Variants in LHFPL3 observed in about 807,000 individuals in gnomAD.
The protein encoded by LHFPL3 is LHFPL tetraspan subfamily member 3 protein.
LHFPL3 carries 5 observed loss-of-function variants against 19.3 expected under a neutral mutation model. The ratio of observed to expected loss-of-function variants is 0.26; its 90% confidence interval spans 0.14 to 0.54. The LOEUF is 0.54. Ranked by LOEUF, LHFPL3 falls within the 20% of genes least tolerant of loss-of-function variation. LHFPL3 has a pLI of 0.94. For missense variants in LHFPL3, 249 were observed against 307.4 expected (o/e 0.81, Z 1.42); for synonymous variants, 133 against 126.2 (o/e 1.05, Z -0.36).
chr7:104,567,407 C>T (rs1790144706), intron 1 of LHFPL3, among the ~76,000 whole-genome samples: 1 of 152,060 alleles, frequency 6.6e-6, no homozygotes. Context: ...TGGATATACC[C>T]ATGTGTTTAG....
intron 2 of LHFPL3, among the ~76,000 whole-genome samples, chr7:104,858,217 CCTTT>C (rs1791546972): frequency 6.6e-6 from 1 of 152,168 alleles, no homozygotes; most frequent in South Asian, 2.1e-4. Flanking sequence ...GGCCTCCTCA[CCTTT>C]CAATCTTTGG....
At chr7:104,426,318 G>A (rs1038001209) in intron 1 of LHFPL3, among the ~76,000 whole-genome samples, 2 of 152,080 alleles carry the variant, frequency 1.3e-5, no homozygotes, top group Non-Finnish European at 2.9e-5. Context: ...ATGCCATGGC[G>A]TGATCTTGGC....
chr7:104,601,778 A>G (rs2115698820), intron 1 of LHFPL3, among the ~76,000 whole-genome samples: 1 of 152,168 alleles, frequency 6.6e-6, no homozygotes, highest in East Asian at 1.9e-4. Flanking sequence ...TCCTCACCAT[A>G]CTTTCTCACT....
intron 1 of LHFPL3, among the ~76,000 whole-genome samples, chr7:104,693,782 G>A (rs148013106): frequency 0.011 from 1,499 of 135,910 alleles, 19 homozygotes; most frequent in Middle Eastern, 0.031. Flanking sequence ...ACCACGCCCT[G>A]CTAATTGTGG....
intron 1 of LHFPL3, among the ~76,000 whole-genome samples, chr7:104,368,999 G>A (rs368542160): frequency 2.0e-5 from 3 of 152,168 alleles, no homozygotes; most frequent in East Asian, 1.9e-4. Flanking sequence ...ATCTTATGAG[G>A]GTTACATCAT....
At chr7:104,667,868 G>A (rs1417372602) in intron 1 of LHFPL3, 13 of 1,612,002 alleles carry the variant, frequency 8.1e-6, no homozygotes, top group Non-Finnish European at 9.3e-6. Flanking sequence ...CAGTCAGCTG[G>A]GCTGATGAAA....
intron 1 of LHFPL3, among the ~76,000 whole-genome samples, chr7:104,509,869 G>GA (rs1358139634): frequency 3.3e-5 from 5 of 151,932 alleles, no homozygotes; most frequent in African/African-American, 1.2e-4. Context: ...AATACTCCTA[G>GA]AACTAACATA....
At chr7:104,580,398 A>C (rs73411729) in intron 1 of LHFPL3, among the ~76,000 whole-genome samples, 20,732 of 152,104 alleles carry the variant, frequency 0.14, 1,467 homozygotes, top group Non-Finnish European at 0.15. Flanking sequence ...TGTACTTGCC[A>C]CCTAGATTCT....
chr7:104,667,621 G>C, intron 1 of LHFPL3: 2 of 688,988 alleles, frequency 2.9e-6, no homozygotes, highest in Non-Finnish European at 4.8e-6. Context: ...TATCCATTTA[G>C]TGTACAACAT....
intron 1 of LHFPL3, among the ~76,000 whole-genome samples, chr7:104,562,429 C>T (rs1213110992): frequency 6.6e-6 from 1 of 152,174 alleles, no homozygotes; most frequent in African/African-American, 2.4e-5. Flanking sequence ...TCATTTCATT[C>T]ATTTCATCTT....
intron 1 of LHFPL3, among the ~76,000 whole-genome samples, chr7:104,575,061 A>G (rs1027704201): frequency 6.0e-5 from 9 of 150,272 alleles, no homozygotes; most frequent in African/African-American, 2.2e-4. Flanking sequence ...GTAATAAATG[A>G]CTTAAGCATA....
chr7:104,565,939 A>G (rs1790115792), intron 1 of LHFPL3, among the ~76,000 whole-genome samples: 1 of 152,114 alleles, frequency 6.6e-6, no homozygotes, highest in South Asian at 2.1e-4. Flanking sequence ...AGCATAATGC[A>G]CTGTTAAGGC....
intron 1 of LHFPL3, among the ~76,000 whole-genome samples, chr7:104,639,716 C>T (rs1791794531): frequency 1.3e-5 from 2 of 152,050 alleles, no homozygotes; most frequent in Admixed American, 1.3e-4. Flanking sequence ...TGGTTTGGCT[C>T]TTGAAAGGAA....
chr7:104,346,417 C>G (rs1185889127), intron 1 of LHFPL3, among the ~76,000 whole-genome samples: 1 of 149,182 alleles, frequency 6.7e-6, no homozygotes, highest in East Asian at 2.0e-4. Context: ...ATTTCCTTTG[C>G]TTAACTGTGT....
intron 1 of LHFPL3, among the ~76,000 whole-genome samples, chr7:104,390,470 G>T (rs1049562665): frequency 1.3e-5 from 2 of 152,078 alleles, no homozygotes; most frequent in African/African-American, 4.8e-5. Context: ...AGTTTGCTGA[G>T]AATGATGGTT....
At chr7:104,843,796 G>C (rs1791259364) in intron 2 of LHFPL3, among the ~76,000 whole-genome samples, 1 of 152,182 alleles carries the variant, frequency 6.6e-6, no homozygotes, top group South Asian at 2.1e-4. Context: ...TCAGATAGGA[G>C]GTATTGGAGG....
At chr7:104,446,001 G>T (rs141418047) in intron 1 of LHFPL3, among the ~76,000 whole-genome samples, 19 of 152,212 alleles carry the variant, frequency 1.2e-4, no homozygotes, top group African/African-American at 3.1e-4. Flanking sequence ...TGTTCTTATC[G>T]ACAGGAAGGT....
chr7:104,601,073 A>G (rs1790955557), intron 1 of LHFPL3, among the ~76,000 whole-genome samples: 2 of 152,230 alleles, frequency 1.3e-5, no homozygotes, highest in Admixed American at 1.3e-4. Flanking sequence ...CCGTTAAGCC[A>G]GAGGTTCTCA....
chr7:104,385,100 G>T (rs1286145455), intron 1 of LHFPL3, among the ~76,000 whole-genome samples: 1 of 152,074 alleles, frequency 6.6e-6, no homozygotes, highest in Non-Finnish European at 1.5e-5. Context: ...GGTGACTCAC[G>T]CCTGTAATCC....
Sources: gnomAD v4.1 joint callset for allele counts (sites outside exome capture counted in the v4.1 genomes callset) on GRCh38, gnomAD v4.1.1 for gene constraint, MANE v1.5 for transcripts, NCBI Gene and HGNC (gene_info 2026-07-23, HGNC 2026-07-21) for gene names.